Variants in SLCO5A1 observed in about 807,000 individuals in gnomAD.
SLCO5A1 encodes organic anion transporter polypeptide-related protein 4.
Under a neutral mutation model 65.1 loss-of-function variants are expected in SLCO5A1, and 39 were observed. That is an observed-to-expected ratio of 0.60 (90% CI 0.46 to 0.78). SLCO5A1 has a LOEUF of 0.78. SLCO5A1 is among the 30% of genes least tolerant of loss of function. The pLI is 0.00. For synonymous variants in SLCO5A1, 438 were observed against 415.7 expected, an observed-to-expected ratio of 1.05 and a Z score of -0.65; for missense variants, 1,029 against 1,069.4, an observed-to-expected ratio of 0.96 and a Z score of 0.53.
At chr8:69,784,711 C>A (rs2130885653) in intron 2 of SLCO5A1, among the ~76,000 whole-genome samples, 1 of 151,170 alleles carries the variant, frequency 6.6e-6, no homozygotes, top group African/African-American at 2.4e-5. Flanking sequence ...TCGCTGGAAA[C>A]TGGCAGGCAG....
chr8:69,772,097 T>C (rs1344784050), intron 2 of SLCO5A1, among the ~76,000 whole-genome samples: 1 of 152,182 alleles, frequency 6.6e-6, no homozygotes, highest in Non-Finnish European at 1.5e-5. Flanking sequence ...TCCTTCTTCA[T>C]CACAAAAACC....
chr8:69,715,838 ATAC>A (rs1489695822), intron 5 of SLCO5A1, among the ~76,000 whole-genome samples: 1 of 152,314 alleles, frequency 6.6e-6, no homozygotes, highest in Admixed American at 6.5e-5. Flanking sequence ...TATAATTCAC[ATAC>A]TACACAATTT....
At chr8:69,781,434 C>A (rs1420974054) in intron 2 of SLCO5A1, among the ~76,000 whole-genome samples, 1 of 152,158 alleles carries the variant, frequency 6.6e-6, no homozygotes, top group East Asian at 1.9e-4. Flanking sequence ...AGGCTGCCTG[C>A]ACTAGGGTTC....
intron 6 of SLCO5A1, among the ~76,000 whole-genome samples, chr8:69,696,291 A>G (rs1223971451): frequency 6.6e-6 from 1 of 152,246 alleles, no homozygotes; most frequent in Non-Finnish European, 1.5e-5. Context: ...CAAACTCCAC[A>G]AAAATGGCAA....
chr8:69,707,849 T>C (rs1586707700), intron 5 of SLCO5A1, among the ~76,000 whole-genome samples: 2 of 152,078 alleles, frequency 1.3e-5, no homozygotes, highest in Admixed American at 1.3e-4. Context: ...GAGGAAGAAA[T>C]GTGTGTGCGG....
At chr8:69,753,989 C>A (rs113624658) in intron 4 of SLCO5A1, among the ~76,000 whole-genome samples, 8 of 143,148 alleles carry the variant, frequency 5.6e-5, no homozygotes, top group African/African-American at 2.1e-4. Flanking sequence ...GCACTCCAGC[C>A]TGGGTGACCT....
intron 2 of SLCO5A1, among the ~76,000 whole-genome samples, chr8:69,830,411 T>C (rs1328914180): frequency 1.3e-5 from 2 of 152,178 alleles, no homozygotes; most frequent in Non-Finnish European, 2.9e-5. Context: ...CAGGCTGGTC[T>C]CAAGTCCCTG....
At chr8:69,734,894 T>C (rs764534728) in intron 5 of SLCO5A1, among the ~76,000 whole-genome samples, 3 of 150,662 alleles carry the variant, frequency 2.0e-5, no homozygotes, top group Non-Finnish European at 4.4e-5. Context: ...CTTTGAAAAA[T>C]GAAATCTATG....
intron 5 of SLCO5A1, among the ~76,000 whole-genome samples, chr8:69,717,749 T>A (rs1385045639): frequency 6.6e-6 from 1 of 152,226 alleles, no homozygotes; most frequent in African/African-American, 2.4e-5. Flanking sequence ...GTCTTTTCAT[T>A]TATTTACATT....
intron 2 of SLCO5A1, among the ~76,000 whole-genome samples, chr8:69,803,108 C>T (rs1819826929): frequency 6.6e-6 from 1 of 152,036 alleles, no homozygotes; most frequent in Non-Finnish European, 1.5e-5. Flanking sequence ...GGTGAAATCC[C>T]GTCTCTACTA....
At chr8:69,698,745 C>A (rs1814601145) in intron 6 of SLCO5A1, among the ~76,000 whole-genome samples, 1 of 152,220 alleles carries the variant, frequency 6.6e-6, no homozygotes, top group African/African-American at 2.4e-5. Context: ...CTTAAACTAT[C>A]ACTTCAATGT....
intron 5 of SLCO5A1, among the ~76,000 whole-genome samples, chr8:69,732,644 C>T (rs542526705): frequency 9.3e-4 from 142 of 152,062 alleles, no homozygotes; most frequent in Non-Finnish European, 1.5e-3. Context: ...AGCAGAAAGA[C>T]CATGAGCAGG....
chr8:69,697,072 A>C, intron 6 of SLCO5A1, among the ~76,000 whole-genome samples: 1 of 152,212 alleles, frequency 6.6e-6, no homozygotes, highest in Non-Finnish European at 1.5e-5. Context: ...AGAGAAAATG[A>C]GTTTAAAAAA....
chr8:69,726,758 C>T (rs1816099176), intron 5 of SLCO5A1, among the ~76,000 whole-genome samples: 1 of 152,146 alleles, frequency 6.6e-6, no homozygotes, highest in African/African-American at 2.4e-5. Context: ...GCCTTGGCCT[C>T]CCAAAGTGCT....
chr8:69,679,179 T>C lies in SLCO5A1; in HGVS notation c.2024+199A>G, dbSNP rs1329174949. Reference sequence around the variant, plus strand: ...ACTGAATAAAGAACTTTCCAAAGTATGAAATGTTACAACCTTTCTTTCCCT... The same window carrying C: ...ACTGAATAAAGAACTTTCCAAAGTACGAAATGTTACAACCTTTCTTTCCCT... On this transcript the variant is annotated intron_variant, in intron 8 of 9. Transcript: ENST00000260126. 2.6e-5 allele frequency among the ~76,000 whole-genome samples: 4 copies of C among 152,334 alleles called. No homozygotes were observed. In the East Asian group the frequency reaches 5.8e-4, roughly 22 times the overall value.
At chr8:69,780,289 TC>T (rs1818737029) in intron 2 of SLCO5A1, among the ~76,000 whole-genome samples, 1 of 152,136 alleles carries the variant, frequency 6.6e-6, no homozygotes, top group Non-Finnish European at 1.5e-5. Flanking sequence ...GACCTAGCAA[TC>T]CCACTACTGG....
At chr8:69,774,973 C>T (rs758211224) in intron 2 of SLCO5A1, among the ~76,000 whole-genome samples, 1 of 152,226 alleles carries the variant, frequency 6.6e-6, no homozygotes, top group Non-Finnish European at 1.5e-5. Context: ...CACTCACAAG[C>T]ACAGGCAGAT....
chr8:69,748,958 C>T (rs1190870724), intron 4 of SLCO5A1, among the ~76,000 whole-genome samples: 1 of 152,118 alleles, frequency 6.6e-6, no homozygotes, highest in Non-Finnish European at 1.5e-5. Flanking sequence ...AGCAACCATC[C>T]TATGGCAAGT....
chr8:69,766,463 T>G (rs1205459895), intron 2 of SLCO5A1, among the ~76,000 whole-genome samples: 1 of 152,142 alleles, frequency 6.6e-6, no homozygotes, highest in Non-Finnish European at 1.5e-5. Context: ...CAGGCACATC[T>G]CCACCTTAGG....
Sources: allele counts gnomAD v4.1 joint callset (sites outside exome capture counted in the v4.1 genomes callset), GRCh38; gene constraint gnomAD v4.1.1; transcripts MANE v1.5; gene names NCBI Gene and HGNC (gene_info 2026-07-23, HGNC 2026-07-21).